The following TNIP3 variants were observed in gnomAD, a reference collection of about 807,000 sequenced individuals.
TNIP3 encodes the protein TNFAIP3-interacting protein 3.
Under a neutral mutation model 54.1 loss-of-function variants are expected in TNIP3, and 34 were observed. The ratio of observed to expected loss-of-function variants is 0.63; its 90% CI spans 0.48 to 0.84. The LOEUF is 0.84. Ranked by LOEUF, TNIP3 falls within the 40% of genes least tolerant of loss-of-function variation. The pLI is 0.00. For synonymous variants in TNIP3, 134 were observed against 136.8 expected (o/e 0.98, Z 0.14); for missense variants, 366 against 387.6 (o/e 0.94, Z 0.47).
intron 2 of TNIP3, among the ~76,000 whole-genome samples, chr4:121,202,858 G>C (rs36011009): frequency 6.6e-6 from 1 of 151,996 alleles, no homozygotes; most frequent in South Asian, 2.1e-4. Flanking sequence ...GAAAATGCAA[G>C]TCAAAACCAA....
chr4:121,132,622 T>A lies in TNIP3; in HGVS notation c.*9A>T. The stretch of plus-strand genomic sequence containing the variant: ...GTTGCCTGTTGTCTCTCTCTGTTAG[T>A]GTGTACTTCTACGGATGGACTTTCT... On this transcript the variant is annotated 3_prime_UTR_variant, in exon 11 of 11. Transcript: ENST00000057513. The A allele has an allele frequency of 6.2e-7, 1 of 1,612,790 alleles. No homozygotes were observed. Among genetic ancestry groups the A allele is most frequent in the Non-Finnish European group, 8.5e-7 (1 of 1,178,886 alleles).
upstream of TNIP3, among the ~76,000 whole-genome samples, chr4:121,164,884 A>G (rs1471770488): frequency 6.6e-6 from 1 of 152,108 alleles, no homozygotes; most frequent in Non-Finnish European, 1.5e-5. Context: ...TTGAAGTGAA[A>G]TCTTCTCATG....
upstream of TNIP3, among the ~76,000 whole-genome samples, chr4:121,166,985 C>T (rs561378693): frequency 6.6e-6 from 1 of 152,130 alleles, no homozygotes; most frequent in Non-Finnish European, 1.5e-5. Context: ...CTCTAAGGCT[C>T]AATTTCCATT....
chr4:121,193,254 T>C (rs1024652308), intron 2 of TNIP3, among the ~76,000 whole-genome samples: 1 of 152,178 alleles, frequency 6.6e-6, no homozygotes, highest in African/African-American at 2.4e-5. Flanking sequence ...ATAATTCATA[T>C]TCATTCTCTT....
upstream of TNIP3, among the ~76,000 whole-genome samples, chr4:121,216,818 C>T (rs756117393): frequency 3.9e-5 from 6 of 152,122 alleles, no homozygotes; most frequent in East Asian, 1.9e-4. Flanking sequence ...AGAGCATGAA[C>T]GGTTAAAGTT....
At chr4:121,194,173 T>C (rs1725446721) in intron 2 of TNIP3, among the ~76,000 whole-genome samples, 1 of 152,204 alleles carries the variant, frequency 6.6e-6, no homozygotes, top group Admixed American at 6.5e-5. Flanking sequence ...AGGATACGCA[T>C]ACTAAATCAT....
At position 121,146,922 on chromosome 4, in the gene TNIP3, C is replaced by T. The variant is rs180702227; in HGVS notation, c.735+127G>A. The T allele has an allele frequency of 2.6e-3, 2,504 of 968,094 alleles. 3 individuals are homozygous for T. Among genetic ancestry groups the T allele is most frequent in the Non-Finnish European group, 3.4e-3 (2,294 of 682,786 alleles). The allele number at this position is 968,094 out of a possible 1,614,324, so 60.0% of individuals were successfully genotyped here. A position where few individuals can be genotyped will look rare whatever the true frequency, so the allele number is the denominator to read the frequency against. On this transcript the variant is annotated intron_variant, in intron 7 of 10. Transcript: ENST00000057513. The stretch of plus-strand genomic sequence containing the variant: ...TTACAAGATTGTTTAAGAATGACTT[C>T]ATCCCAGGTGCTGACCTTTAAAAAA...
chr4:121,178,848 C>T (rs569428414), intron 3 of TNIP3, among the ~76,000 whole-genome samples: 3 of 152,250 alleles, frequency 2.0e-5, no homozygotes, highest in Middle Eastern at 3.4e-3. Flanking sequence ...TCATGGAACA[C>T]TTTATACCCC....
intron 6 of TNIP3, among the ~76,000 whole-genome samples, chr4:121,147,638 A>G (rs1034149144): frequency 5.9e-5 from 9 of 152,226 alleles, no homozygotes; most frequent in Non-Finnish European, 8.8e-5. Flanking sequence ...ACTAAAAACA[A>G]AAACAGGTTT....
At chr4:121,150,796 C>T (rs552031365) in intron 5 of TNIP3, among the ~76,000 whole-genome samples, 354 of 152,358 alleles carry the variant, frequency 2.3e-3, no homozygotes, top group Non-Finnish European at 3.9e-3. Context: ...CATGCAGATT[C>T]ATTATCTGTT....
chr4:121,224,254 T>C (rs1480356840), intron 1 of TNIP3, among the ~76,000 whole-genome samples: 1 of 151,912 alleles, frequency 6.6e-6, no homozygotes, highest in Non-Finnish European at 1.5e-5. Context: ...TCCCAACTAC[T>C]TGGGAGGCTG....
At chr4:121,220,142 T>C (rs973659485), upstream of TNIP3, among the ~76,000 whole-genome samples, 1 of 152,184 alleles carries the variant, frequency 6.6e-6, no homozygotes, top group African/African-American at 2.4e-5. Flanking sequence ...TTTTTAGAAA[T>C]GACATTATAC....
chr4:121,176,858 G>T (rs1579445058), intron 3 of TNIP3, among the ~76,000 whole-genome samples: 2 of 152,232 alleles, frequency 1.3e-5, no homozygotes, highest in Non-Finnish European at 2.9e-5. Flanking sequence ...TTTTTACCTT[G>T]GGAAGAGTGT....
chr4:121,149,540 G>A (rs1560645263), intron 6 of TNIP3, among the ~76,000 whole-genome samples: 1 of 152,206 alleles, frequency 6.6e-6, no homozygotes, highest in Admixed American at 6.5e-5. Flanking sequence ...GCCGAGGCAG[G>A]TGGATCACGA....
intron 10 of TNIP3, among the ~76,000 whole-genome samples, chr4:121,136,910 G>A (rs1312068484): frequency 9.7e-6 from 1 of 103,580 alleles, no homozygotes; most frequent in Non-Finnish European, 2.0e-5. Context: ...AGATTTTTTT[G>A]TTGTAGTTTT....
intron 2 of TNIP3, among the ~76,000 whole-genome samples, chr4:121,206,436 A>G (rs532621182): frequency 1.2e-4 from 19 of 152,296 alleles, no homozygotes; most frequent in Admixed American, 8.5e-4. Context: ...AATAATCTGT[A>G]AATTATTCAT....
intron 10 of TNIP3, among the ~76,000 whole-genome samples, chr4:121,136,321 A>C (rs1037455485): frequency 6.6e-6 from 1 of 152,194 alleles, no homozygotes; most frequent in Admixed American, 6.5e-5. Context: ...CTATACTTTC[A>C]GAAAATTTCA....
At chr4:121,135,040 A>T (rs1437462725) in intron 10 of TNIP3, among the ~76,000 whole-genome samples, 1 of 152,132 alleles carries the variant, frequency 6.6e-6, no homozygotes. Context: ...TCAAGTCTGC[A>T]CTCAAGAGTC....
At chr4:121,182,303 T>C (rs1724758932) in intron 3 of TNIP3, among the ~76,000 whole-genome samples, 1 of 152,154 alleles carries the variant, frequency 6.6e-6, no homozygotes, top group Admixed American at 6.5e-5. Flanking sequence ...CAAAAACAAC[T>C]ACAAAAAATC....
Sources: gnomAD v4.1 joint callset for allele counts (sites outside exome capture counted in the v4.1 genomes callset) on GRCh38, gnomAD v4.1.1 for gene constraint, MANE v1.5 for transcripts, NCBI Gene and HGNC (gene_info 2026-07-23, HGNC 2026-07-21) for gene names.